The following SHC4 variants were observed in gnomAD, a reference collection of about 807,000 sequenced individuals.
SHC4 encodes the protein SHC adaptor protein 4, also known as SHC-transforming protein 4.
A neutral mutation model predicts 69.4 loss-of-function variants in SHC4; 41 were observed. The observed-to-expected ratio is 0.59, with a 90% CI of 0.46 to 0.77. The LOEUF (loss-of-function observed/expected upper bound fraction) is 0.77. Ranked by LOEUF, SHC4 falls within the 30% of genes least tolerant of loss-of-function variation. The probability of loss-of-function intolerance (pLI) is 0.00; values close to 1 mark genes in which losing one functional copy is unlikely to be tolerated. For missense variants in SHC4, 777 were observed against 783.8 expected, an observed-to-expected ratio of 0.99 and a Z score of 0.10; for synonymous variants, 318 against 299.3, an observed-to-expected ratio of 1.06 and a Z score of -0.64.
chr15:48,940,618 C>A (rs1253035121), intron 1 of SHC4, among the ~76,000 whole-genome samples: 1 of 152,290 alleles, frequency 6.6e-6, no homozygotes, highest in East Asian at 1.9e-4. Flanking sequence ...AAGTTGATGT[C>A]CCTAGTAGCA....
In SHC4 at chr15:48,911,747, C is replaced by G. The variant is rs187797139; in HGVS notation, c.656+13132G>C. Among the ~76,000 whole-genome samples the G allele has an allele frequency of 5.7e-4, 87 of 152,176 alleles. 1 individual carries two copies. The highest frequency in any genetic ancestry group is 2.1e-3 in the African/African-American group (86 of 41,520). ...TTTGATGTGTTTCCAGGATTTGTTT[C>G]AAGATTTAGAGCTCTTTTTAGCAGT... On this transcript the variant is annotated intron_variant, in intron 2 of 11. Transcript: ENST00000332408.
chr15:48,892,899 T>C (rs960977393), intron 2 of SHC4, among the ~76,000 whole-genome samples: 59 of 150,440 alleles, frequency 3.9e-4, no homozygotes, highest in African/African-American at 1.3e-3. Flanking sequence ...ATAAATGATA[T>C]GAACTTAAAG....
At chr15:48,944,821 A>G (rs991522862) in intron 1 of SHC4, among the ~76,000 whole-genome samples, 7 of 152,218 alleles carry the variant, frequency 4.6e-5, no homozygotes, top group African/African-American at 1.7e-4. Context: ...CAGCTCTTAA[A>G]TAGGCTTTCC....
At chr15:48,894,718 T>G (rs1900193084) in intron 2 of SHC4, among the ~76,000 whole-genome samples, 1 of 152,152 alleles carries the variant, frequency 6.6e-6, no homozygotes. Flanking sequence ...TTTAGAATGG[T>G]GCACCTTGCA....
intron 6 of SHC4, among the ~76,000 whole-genome samples, chr15:48,865,595 C>T (rs147618994): frequency 7.7e-4 from 118 of 152,324 alleles, no homozygotes; most frequent in Middle Eastern, 3.4e-3. Context: ...ATCTGCCTGA[C>T]ATCGTACAGT....
intron 9 of SHC4, 45 bp from the exon 10 acceptor site, chr15:48,843,633 A>C (rs755823486): frequency 1.3e-6 from 2 of 1,530,478 alleles, no homozygotes; most frequent in Non-Finnish European, 1.8e-6. Context: ...TTTTCTTTGT[A>C]AATAGTAAAT....
At chr15:48,876,286 T>C (rs189848501) in intron 4 of SHC4, among the ~76,000 whole-genome samples, 17 of 152,306 alleles carry the variant, frequency 1.1e-4, no homozygotes, top group Non-Finnish European at 1.5e-4. Context: ...ATTTCTGACA[T>C]TTCAAACATT....
At chr15:48,932,600 A>G (rs922938395) in intron 1 of SHC4, among the ~76,000 whole-genome samples, 1 of 152,242 alleles carries the variant, frequency 6.6e-6, no homozygotes, top group Middle Eastern at 3.4e-3. Flanking sequence ...CCCTCTTGAA[A>G]TGTCCTTCTT....
chr15:48,947,715 T>A (rs568542241), intron 1 of SHC4: 1 of 152,282 alleles, frequency 6.6e-6, no homozygotes, highest in South Asian at 2.1e-4. Context: ...GTTAACGTCA[T>A]CACACCTGAG....
intron 1 of SHC4, among the ~76,000 whole-genome samples, chr15:48,938,752 G>C (rs67168913): frequency 0.22 from 32,706 of 152,030 alleles, 3,779 homozygotes; most frequent in East Asian, 0.42. Flanking sequence ...AAACCTTTTT[G>C]TCTAAGCCAC....
intron 4 of SHC4, chr15:48,878,625 A>G (rs1173032223): frequency 1.2e-6 from 2 of 1,614,068 alleles, no homozygotes; most frequent in Non-Finnish European, 8.5e-7. Context: ...TTTCAGATGC[A>G]TTATGAGAAG....
At chr15:48,873,081 C>A (rs762239232) in intron 4 of SHC4, among the ~76,000 whole-genome samples, 4 of 151,036 alleles carry the variant, frequency 2.6e-5, no homozygotes, top group Non-Finnish European at 5.9e-5. Flanking sequence ...CTGTTCATAA[C>A]AGCCCTAAAT....
chr15:48,847,917 G>A (rs533961778), intron 9 of SHC4, among the ~76,000 whole-genome samples: 26 of 150,666 alleles, frequency 1.7e-4, no homozygotes, highest in Non-Finnish European at 2.7e-4. Flanking sequence ...CAGGAGAATC[G>A]CTTGAACCCG....
chr15:48,863,840 G>A (rs1259265082), intron 6 of SHC4, among the ~76,000 whole-genome samples: 3 of 152,078 alleles, frequency 2.0e-5, no homozygotes, highest in African/African-American at 7.2e-5. Context: ...TGCTCAGGAC[G>A]TAGAATCTGT....
intron 1 of SHC4, among the ~76,000 whole-genome samples, chr15:48,944,634 C>T (rs980448478): frequency 5.3e-5 from 8 of 152,098 alleles, no homozygotes; most frequent in African/African-American, 1.7e-4. Context: ...AAAAGGGAAA[C>T]CTCTATCTTG....
intron 4 of SHC4, among the ~76,000 whole-genome samples, chr15:48,876,118 T>A (rs1899793688): frequency 6.6e-6 from 1 of 152,194 alleles, no homozygotes; most frequent in Non-Finnish European, 1.5e-5. Context: ...TGACACAGAA[T>A]GGGTCACAAA....
intron 11 of SHC4, among the ~76,000 whole-genome samples, chr15:48,834,327 C>T (rs1427464404): frequency 6.6e-6 from 1 of 152,146 alleles, no homozygotes; most frequent in Non-Finnish European, 1.5e-5. Context: ...TAGTTTGCCT[C>T]AACCAGAATG....
intron 2 of SHC4, among the ~76,000 whole-genome samples, chr15:48,892,421 T>A (rs1900153299): frequency 6.6e-6 from 1 of 152,128 alleles, no homozygotes; most frequent in Admixed American, 6.5e-5. Context: ...AATTTCATAT[T>A]TATTGTTTCT....
chr15:48,934,081 G>A (rs1025357346), intron 1 of SHC4, among the ~76,000 whole-genome samples: 1 of 152,030 alleles, frequency 6.6e-6, no homozygotes, highest in African/African-American at 2.4e-5. Flanking sequence ...TAAATATATA[G>A]GTTGGACTTC....
Sources: allele counts gnomAD v4.1 joint callset (sites outside exome capture counted in the v4.1 genomes callset), GRCh38; gene constraint gnomAD v4.1.1; transcripts MANE v1.5; gene names NCBI Gene and HGNC (gene_info 2026-07-23, HGNC 2026-07-21).